Variants in SGCZ observed in about 807,000 individuals in gnomAD.
SGCZ encodes zeta-sarcoglycan.
In SGCZ, 40 loss-of-function variants were observed where a neutral mutation model predicts 41.3. The observed-to-expected ratio is 0.97, with a 90% CI of 0.75 to 1.26. SGCZ has a LOEUF of 1.26. Among genes scored for constraint, SGCZ ranks in the 50% most tolerant of loss-of-function variants. SGCZ has a pLI of 0.00. For missense variants in SGCZ, 552 were observed against 369.8 expected (o/e 1.49, Z -4.04); for synonymous variants, 206 against 137.5 (o/e 1.50, Z -3.49).
At chr8:15,076,567 C>A (rs557681974) in intron 1 of SGCZ, among the ~76,000 whole-genome samples, 1 of 152,250 alleles carries the variant, frequency 6.6e-6, no homozygotes, top group South Asian at 2.1e-4. Context: ...TTTTAGCTTT[C>A]ATTTCCTGTT....
chr8:14,710,004 A>G (rs1585199869), intron 1 of SGCZ, among the ~76,000 whole-genome samples: 1 of 152,216 alleles, frequency 6.6e-6, no homozygotes, highest in Admixed American at 6.5e-5. Context: ...TAGTCACTCT[A>G]GAAGTCCATT....
intron 4 of SGCZ, among the ~76,000 whole-genome samples, chr8:14,225,336 G>A (rs1326430368): frequency 1.3e-5 from 2 of 151,932 alleles, no homozygotes; most frequent in Non-Finnish European, 2.9e-5. Context: ...GGTTTTGAAG[G>A]TAAGCTGATT....
chr8:14,968,414 A>G (rs1390284464), intron 1 of SGCZ, among the ~76,000 whole-genome samples: 1 of 152,174 alleles, frequency 6.6e-6, no homozygotes, highest in Non-Finnish European at 1.5e-5. Flanking sequence ...ATTTGCTATA[A>G]ACCAGAGAAA....
intron 4 of SGCZ, among the ~76,000 whole-genome samples, chr8:14,193,211 A>G (rs1401578646): frequency 6.6e-6 from 1 of 152,058 alleles, no homozygotes; most frequent in Admixed American, 6.5e-5. Flanking sequence ...TACTCCTGCC[A>G]TGTATATGTC....
At chr8:14,422,223 A>C (rs1285370854) in intron 2 of SGCZ, among the ~76,000 whole-genome samples, 2 of 152,318 alleles carry the variant, frequency 1.3e-5, no homozygotes, top group African/African-American at 4.8e-5. Flanking sequence ...TCAGAAATAC[A>C]AGATTAAATA....
At chr8:14,692,346 T>C (rs1808826744) in intron 1 of SGCZ, among the ~76,000 whole-genome samples, 1 of 152,124 alleles carries the variant, frequency 6.6e-6, no homozygotes, top group Admixed American at 6.6e-5. Flanking sequence ...GGTGATTTAC[T>C]ATTATCATAA....
At chr8:14,884,606 A>C (rs1563338106) in intron 1 of SGCZ, among the ~76,000 whole-genome samples, 1 of 152,092 alleles carries the variant, frequency 6.6e-6, no homozygotes, top group Admixed American at 6.6e-5. Context: ...ATGGTTTTTA[A>C]AGGTTTCTCT....
chr8:14,204,285 T>A (rs1178636910), intron 4 of SGCZ, among the ~76,000 whole-genome samples: 4 of 151,530 alleles, frequency 2.6e-5, no homozygotes, highest in African/African-American at 9.7e-5. Flanking sequence ...TGAATGTTTT[T>A]TTTTTTTTCT....
At position 14,108,183 on chromosome 8, in the gene SGCZ, T is replaced by C. The variant is rs1255887535; in HGVS notation, c.600A>G (p.Ala200=). The change falls in exon 6 of 8, where the codon GCA becomes GCG. Residue 200 remains alanine (A), a synonymous_variant. Transcript: ENST00000382080. ...GHSVETPHIR[A]EPSQDLRLES... is the part of the protein sequence containing the mutation. ...CTTACCTGAGATCTTGGGATGGCTC[T>C]GCTCTGATGTGCGGCGTCTCCACAG... The C allele has an allele frequency of 1.9e-6, 3 of 1,614,124 alleles. No individual in the cohort carries two copies. In the East Asian group the frequency reaches 6.7e-5, roughly 36 times the overall value.
rs528579035 is a variant in SGCZ at position 14,489,119 on chromosome 8, G to C, written c.234+65613C>G. 1.3e-4 allele frequency among the ~76,000 whole-genome samples: 20 copies of C among 151,708 alleles called. No homozygotes were observed. In the South Asian group the frequency reaches 4.0e-3, roughly 30 times the overall value. On this transcript the variant is annotated intron_variant, in intron 2 of 7. Coordinates refer to ENST00000382080, the MANE Select transcript of SGCZ (RefSeq NM_139167.4). The stretch of plus-strand genomic sequence containing the variant: ...TTTTAATTTTATTAAACATAAAAGG[G>C]CAATATAAATTCCTGTGCATGTCAC...
intron 2 of SGCZ, among the ~76,000 whole-genome samples, chr8:14,407,318 TC>T (rs1585466922): frequency 1.3e-5 from 2 of 152,022 alleles, no homozygotes; most frequent in East Asian, 3.9e-4. Flanking sequence ...ATCCAAGGTT[TC>T]TTAACTGTAT....
chr8:14,732,991 C>A (rs1161995879), intron 1 of SGCZ, among the ~76,000 whole-genome samples: 1 of 151,928 alleles, frequency 6.6e-6, no homozygotes, highest in African/African-American at 2.4e-5. Context: ...GTATTAACCT[C>A]GTGTTTCTGA....
intron 1 of SGCZ, among the ~76,000 whole-genome samples, chr8:14,730,369 G>C (rs1437689434): frequency 2.0e-5 from 3 of 152,118 alleles, no homozygotes; most frequent in Non-Finnish European, 2.9e-5. Context: ...GGAGTGAGGA[G>C]ACGGGATATA....
intron 1 of SGCZ, among the ~76,000 whole-genome samples, chr8:15,099,533 A>G (rs753611064): frequency 1.5e-4 from 23 of 152,214 alleles, no homozygotes; most frequent in Admixed American, 2.6e-4. Flanking sequence ...GAAACATTTG[A>G]TGAAGAAATG....
At chr8:14,704,719 T>G (rs1809273575) in intron 1 of SGCZ, among the ~76,000 whole-genome samples, 1 of 151,946 alleles carries the variant, frequency 6.6e-6, no homozygotes. Flanking sequence ...CTCAGTTTAT[T>G]AAGTGTTTTT....
At chr8:14,550,378 A>G (rs1388441880) in intron 2 of SGCZ, among the ~76,000 whole-genome samples, 1 of 150,358 alleles carries the variant, frequency 6.7e-6, no homozygotes, top group Non-Finnish European at 1.5e-5. Context: ...TAAAATTTAT[A>G]TTTATGCATT....
intron 1 of SGCZ, among the ~76,000 whole-genome samples, chr8:15,104,697 TC>T (rs5889567): frequency 0.79 from 120,012 of 151,490 alleles, 47,714 homozygotes; most frequent in Admixed American, 0.81. Flanking sequence ...TTCAGCATCT[TC>T]CTATTTGAGC....
At chr8:14,432,914 CAAAA>C (rs767979164) in intron 2 of SGCZ, among the ~76,000 whole-genome samples, 1 of 75,602 alleles carries the variant, frequency 1.3e-5, no homozygotes, top group Non-Finnish European at 2.5e-5. Context: ...ACTGTGTCTC[CAAAA>C]AAAAAAAAAA....
At chr8:15,146,787 C>T (rs1003645241) in intron 1 of SGCZ, among the ~76,000 whole-genome samples, 2 of 152,070 alleles carry the variant, frequency 1.3e-5, no homozygotes, top group African/African-American at 4.8e-5. Context: ...CTGGCAAATG[C>T]ATGATCTTTT....
Sources: gnomAD v4.1 joint callset for allele counts (sites outside exome capture counted in the v4.1 genomes callset) on GRCh38, gnomAD v4.1.1 for gene constraint, MANE v1.5 for transcripts, NCBI Gene and HGNC (gene_info 2026-07-23, HGNC 2026-07-21) for gene names.